NRK: variants seen among roughly 807,000 people sequenced by gnomAD.
NRK encodes nik-related protein kinase.
NRK carries 67 observed loss-of-function variants against 125.2 expected under a neutral mutation model. The ratio of observed to expected loss-of-function variants is 0.54; its 90% CI spans 0.44 to 0.66. The LOEUF is 0.66. Ranked by LOEUF, NRK falls within the 30% of genes least tolerant of loss-of-function variation. NRK has a pLI of 0.00. For synonymous variants in NRK, 458 were observed against 429.0 expected, an observed-to-expected ratio of 1.07 and a Z score of -0.84; for missense variants, 1,224 against 1,192.9, an observed-to-expected ratio of 1.03 and a Z score of -0.38.
At chrX:105,870,055 G>C (rs1020732828) in intron 2 of NRK, among the ~76,000 whole-genome samples, 2 of 111,123 alleles carry the variant, frequency 1.8e-5, no homozygotes, top group East Asian at 5.7e-4. Context: ...AAAGGAAAAG[G>C]TATACAATCT....
chrX:105,860,578 C>T (rs1442083403), intron 2 of NRK, among the ~76,000 whole-genome samples: 2 of 110,346 alleles, frequency 1.8e-5, no homozygotes, highest in African/African-American at 6.6e-5. Flanking sequence ...CCCCCTGCCC[C>T]CAGCCACTGG....
intron 5 of NRK, among the ~76,000 whole-genome samples, chrX:105,888,885 A>G (rs770109971): frequency 9.0e-6 from 1 of 111,309 alleles, no homozygotes; most frequent in African/African-American, 3.3e-5. Context: ...GGGAGCTACA[A>G]TTCAAGATAT....
intron 9 of NRK, among the ~76,000 whole-genome samples, chrX:105,901,535 T>C (rs2040157128): frequency 9.0e-6 from 1 of 111,719 alleles, no homozygotes; most frequent in Admixed American, 9.6e-5. Context: ...CCCATGTTCT[T>C]GTATGCTCTA....
intron 2 of NRK, among the ~76,000 whole-genome samples, chrX:105,838,778 C>T (rs2039296750): frequency 9.1e-6 from 1 of 109,584 alleles, no homozygotes; most frequent in Non-Finnish European, 1.9e-5. Flanking sequence ...AAAGAGATCA[C>T]AGGAGTCATC....
At chrX:105,951,010 C>CTT (rs1182571625) in intron 27 of NRK, among the ~76,000 whole-genome samples, 10 of 100,906 alleles carry the variant, frequency 9.9e-5, no homozygotes, top group Non-Finnish European at 1.6e-4. Flanking sequence ...AATCCTTCTT[C>CTT]TTTTTTTTTT....
chrX:105,949,884 G>T, intron 27 of NRK, 150 bp downstream of exon 27: 1 of 411,504 alleles, frequency 2.4e-6, no homozygotes, highest in East Asian at 4.0e-5. Context: ...TCTTAGTAAG[G>T]TGATGCCTGT....
Position 105,888,280 on chromosome X carries a change from T to C in NRK, c.253-14T>C. ...CACAGTTTAGGAGCTTTGCTGTCTATTCTTATTCCATAGGATGAGGAAGAG... is the reference window on the plus strand; with the variant it reads ...CACAGTTTAGGAGCTTTGCTGTCTACTCTTATTCCATAGGATGAGGAAGAG... On this transcript the variant is annotated splice_polypyrimidine_tract_variant and intron_variant, in intron 4 of 28. Coordinates refer to ENST00000243300, the MANE Select transcript of NRK (RefSeq NM_198465.4). 1 of 1,187,867 alleles carries C rather than the reference T, an allele frequency of 8.4e-7. No homozygotes were observed. The highest frequency in any genetic ancestry group is 1.1e-6 in the Non-Finnish European group (1 of 881,224).
intron 2 of NRK, among the ~76,000 whole-genome samples, chrX:105,851,060 G>A (rs1257096290): frequency 8.9e-6 from 1 of 112,162 alleles, no homozygotes; most frequent in Non-Finnish European, 1.9e-5. Flanking sequence ...ATTGGACTTG[G>A]ACTTACAGTT....
chrX:105,923,909 ATATATATATATATATATG>A (rs1180141253), intron 18 of NRK, among the ~76,000 whole-genome samples: 22 of 87,864 alleles, frequency 2.5e-4, no homozygotes, highest in African/African-American at 9.6e-4. Context: ...ATATATATAT[ATATATATATATATATATG>A]TGAAATTTAA....
chrX:105,940,032 C>T lies in NRK; in HGVS notation c.3958C>T (p.Leu1320Phe), dbSNP rs199847315. 1.2e-4 allele frequency: 139 copies of T among 1,151,584 alleles called. No individual in the cohort carries two copies. The highest frequency in any genetic ancestry group is 1.4e-4 in the South Asian group (7 of 50,749). 94.9% of individuals were successfully genotyped at this position (1,151,584 alleles called of 1,213,427 possible). The change falls in exon 23 of 29, where the codon CTC becomes TTC. Residue 1320 changes from leucine (L) to phenylalanine (F), a missense_variant and splice_region_variant. By Grantham distance (22) the Leu-to-Phe change is conservative. Coordinates refer to ENST00000243300, the MANE Select transcript of NRK (RefSeq NM_198465.4). ...AACAGGCTGTGAACACTTCAGTGTC[C>T]GTAAGCCACATTTCATGTTTACTAC... Reference protein sequence around the residue: ...KLTGCEHFSVLQHEETTYIAI... With the variant: ...KLTGCEHFSVFQHEETTYIAI...
At chrX:105,888,203 GGATTCTCCTTCATT>G (rs2039972173) in intron 4 of NRK, 77 bp from the exon 5 acceptor site, 1 of 693,380 alleles carries the variant, frequency 1.4e-6, no homozygotes, top group South Asian at 4.8e-5. Flanking sequence ...AGTTGCCATA[GGATTCTCCTTCATT>G]GATATACTGT....
At chrX:105,878,917 A>G (rs1243799365) in intron 2 of NRK, among the ~76,000 whole-genome samples, 4 of 111,350 alleles carry the variant, frequency 3.6e-5, no homozygotes, top group Non-Finnish European at 1.9e-5. Context: ...AAAACAAACA[A>G]AATGTATTCC....
chrX:105,863,321 GACACACACACAC>G (rs769445045), intron 2 of NRK, among the ~76,000 whole-genome samples: 114 of 60,445 alleles, frequency 1.9e-3, no homozygotes, highest in Admixed American at 4.4e-3. Context: ...AATAGTAACA[GACACACACACAC>G]ACACACACAC....
At chrX:105,893,662 T>C (rs1343021695) in intron 5 of NRK, among the ~76,000 whole-genome samples, 170 bp from the exon 6 acceptor site, 2 of 112,146 alleles carry the variant, frequency 1.8e-5, no homozygotes, top group African/African-American at 6.5e-5. Flanking sequence ...AATCCAACTC[T>C]CTCTAATTTC....
chrX:105,896,914 C>T (rs955209717), intron 7 of NRK, among the ~76,000 whole-genome samples: 11 of 111,575 alleles, frequency 9.9e-5, no homozygotes, highest in East Asian at 5.6e-4. Context: ...CATTTAAATA[C>T]GCAGGATAGA....
intron 2 of NRK, among the ~76,000 whole-genome samples, chrX:105,868,351 T>C (rs775159316): frequency 9.0e-6 from 1 of 111,449 alleles, no homozygotes; most frequent in Non-Finnish European, 1.9e-5. Flanking sequence ...CATGATCCTT[T>C]AGATCGCTTT....
rs1319398459 is a variant in NRK at position 105,838,327 on chromosome X, G to A, written c.123+7208G>A. 5.4e-5 allele frequency among the ~76,000 whole-genome samples: 6 copies of A among 111,490 alleles called. No homozygotes were observed. The East Asian group carries it at 1.7e-3, about 32-fold the overall frequency. ...CTCAGTAACTAATAAGACACTCAAT[G>A]TGAATGTAAAACTGGGTAGCTGGTA... On this transcript the variant is annotated intron_variant, in intron 2 of 28. Coordinates refer to ENST00000243300, the MANE Select transcript of NRK (RefSeq NM_198465.4).
At chrX:105,854,394 T>G (rs2039508580) in intron 2 of NRK, among the ~76,000 whole-genome samples, 1 of 111,890 alleles carries the variant, frequency 8.9e-6, no homozygotes, top group Non-Finnish European at 1.9e-5. Flanking sequence ...ATTATTTCAC[T>G]GAAGACACAT....
intron 27 of NRK, among the ~76,000 whole-genome samples, chrX:105,949,996 C>G (rs2040870035): frequency 9.0e-6 from 1 of 111,542 alleles, no homozygotes; most frequent in Non-Finnish European, 1.9e-5. Context: ...AGAGCTAATT[C>G]CTTTCCACAA....
Sources: gnomAD v4.1 joint callset for allele counts (sites outside exome capture counted in the v4.1 genomes callset) on GRCh38, gnomAD v4.1.1 for gene constraint, MANE v1.5 for transcripts, NCBI Gene and HGNC (gene_info 2026-07-23, HGNC 2026-07-21) for gene names.